Variants in RNF180 observed in about 807,000 individuals in gnomAD.
RNF180 encodes the protein ring finger protein 180.
A neutral mutation model predicts 59.2 loss-of-function variants in RNF180; 38 were observed. The ratio of observed to expected loss-of-function variants is 0.64; its 90% CI spans 0.50 to 0.84. The LOEUF (loss-of-function observed/expected upper bound fraction) is 0.84. RNF180 is among the 40% of genes least tolerant of loss of function. The pLI is 0.00. For synonymous variants in RNF180, 262 were observed against 240.3 expected, an observed-to-expected ratio of 1.09 and a Z score of -0.84; for missense variants, 705 against 700.9, an observed-to-expected ratio of 1.01 and a Z score of -0.07.
intron 5 of RNF180, among the ~76,000 whole-genome samples, chr5:64,253,593 T>A (rs141545212): frequency 6.6e-6 from 1 of 152,268 alleles, no homozygotes; most frequent in East Asian, 1.9e-4. Context: ...TGGTTCCTCG[T>A]TTTTTGTGCT....
At chr5:64,239,897 T>C (rs912213961) in intron 5 of RNF180, among the ~76,000 whole-genome samples, 7 of 152,178 alleles carry the variant, frequency 4.6e-5, no homozygotes, top group African/African-American at 1.7e-4. Context: ...TATAACAAAA[T>C]GTATTTTTAT....
At chr5:64,343,000 T>C (rs991352534) in intron 7 of RNF180, among the ~76,000 whole-genome samples, 23 of 152,140 alleles carry the variant, frequency 1.5e-4, no homozygotes, top group African/African-American at 5.1e-4. Context: ...GATGAGTCTC[T>C]CACTCTGTCT....
At position 64,228,545 on chromosome 5, in the gene RNF180, G is replaced by A. The variant is rs368295721; in HGVS notation, c.1227+11149G>A. ...AAAATAAAATGCCAAATTTGAGAGC[G>A]TTGTTATCTATGAAGGGGAAGGAGA... On this transcript the variant is annotated intron_variant, in intron 5 of 7. Transcript: ENST00000389100. Among the ~76,000 whole-genome samples, 31 of 152,208 alleles carry A rather than the reference G, an allele frequency of 2.0e-4. 1 individual carries two copies. Among genetic ancestry groups the A allele is most frequent in the Admixed American group, 9.2e-4 (14 of 15,290 alleles).
At chr5:64,353,314 A>C (rs1745889696) in intron 7 of RNF180, among the ~76,000 whole-genome samples, 1 of 151,816 alleles carries the variant, frequency 6.6e-6, no homozygotes. Flanking sequence ...TAGAAAATGT[A>C]ATAGAACATA....
chr5:64,299,345 C>A (rs926624498), intron 5 of RNF180, among the ~76,000 whole-genome samples: 4 of 151,806 alleles, frequency 2.6e-5, no homozygotes, highest in African/African-American at 9.7e-5. Flanking sequence ...AGTCATTATC[C>A]TATGCCTGTA....
intron 5 of RNF180, among the ~76,000 whole-genome samples, chr5:64,311,669 C>T (rs1452066704): frequency 1.3e-5 from 2 of 151,974 alleles, no homozygotes; most frequent in African/African-American, 4.8e-5. Context: ...TTAATTTGTA[C>T]ATACCATTCA....
intron 1 of RNF180, among the ~76,000 whole-genome samples, chr5:64,174,069 G>T (rs1313241182): frequency 6.6e-6 from 1 of 152,142 alleles, no homozygotes; most frequent in Non-Finnish European, 1.5e-5. Context: ...TTGTCTTTCT[G>T]TGCTTGGTTT....
At chr5:64,253,390 A>G (rs1743708787) in intron 5 of RNF180, among the ~76,000 whole-genome samples, 1 of 152,118 alleles carries the variant, frequency 6.6e-6, no homozygotes, top group Admixed American at 6.6e-5. Flanking sequence ...CATCACAACT[A>G]GTGTTCTCTG....
intron 7 of RNF180, among the ~76,000 whole-genome samples, chr5:64,334,059 G>A (rs1044816562): frequency 4.6e-5 from 7 of 152,188 alleles, no homozygotes; most frequent in African/African-American, 1.7e-4. Context: ...GGGCCACATA[G>A]AGCAGGGCAG....
chr5:64,264,111 G>A (rs1233993132), intron 5 of RNF180, among the ~76,000 whole-genome samples: 2 of 152,010 alleles, frequency 1.3e-5, no homozygotes, highest in Non-Finnish European at 2.9e-5. Flanking sequence ...TTCACAATTT[G>A]ATGGATTATG....
rs1742061790 is a variant in RNF180 at position 64,230,887 on chromosome 5, A to C, written c.1227+13491A>C. ...AGTTTTTCTTGGGGTTCTGAAAGTGAGTATGGGTTCTAGGAGGTATAATTC... is the reference window on the plus strand; with the variant it reads ...AGTTTTTCTTGGGGTTCTGAAAGTGCGTATGGGTTCTAGGAGGTATAATTC... On this transcript the variant is annotated intron_variant, in intron 5 of 7. Transcript: ENST00000389100. Among the ~76,000 whole-genome samples the C allele has an allele frequency of 2.0e-5, 3 of 152,218 alleles. No homozygotes were observed. The South Asian group carries it at 6.2e-4, about 31-fold the overall frequency.
chr5:64,278,215 C>T (rs1478882658), intron 5 of RNF180, among the ~76,000 whole-genome samples: 1 of 152,124 alleles, frequency 6.6e-6, no homozygotes. Flanking sequence ...GCAGGGCCTG[C>T]ACTTTTAACG....
At chr5:64,308,607 G>A (rs756375574) in intron 5 of RNF180, among the ~76,000 whole-genome samples, 1 of 151,700 alleles carries the variant, frequency 6.6e-6, no homozygotes, top group Non-Finnish European at 1.5e-5. Flanking sequence ...GGAGTTGGTA[G>A]TGTTTCCTGT....
chr5:64,368,429 G>A lies in RNF180; in HGVS notation c.1580-1186G>A, dbSNP rs147511075. Among the ~76,000 whole-genome samples the A allele has an allele frequency of 3.4e-3, 515 of 151,816 alleles. 2 individuals are homozygous for A. The highest frequency in any genetic ancestry group is 0.011 in the African/African-American group (467 of 41,504). Reference sequence around the variant, plus strand: ...TTTGAAGAAATCAGATAGTATAGATGAGAAATTCATGACCAAAAGAGTTAA... The same window carrying A: ...TTTGAAGAAATCAGATAGTATAGATAAGAAATTCATGACCAAAAGAGTTAA... On this transcript the variant is annotated intron_variant, in intron 7 of 7. Coordinates refer to ENST00000389100, the MANE Select transcript of RNF180 (RefSeq NM_001113561.2).
At chr5:64,285,489 G>GT (rs1009608972) in intron 5 of RNF180, among the ~76,000 whole-genome samples, 11 of 150,712 alleles carry the variant, frequency 7.3e-5, no homozygotes, top group African/African-American at 2.7e-4. Flanking sequence ...CAGCAAAGTG[G>GT]TGGGAGTAGG....
At chr5:64,239,476 C>CT (rs2112230697) in intron 5 of RNF180, among the ~76,000 whole-genome samples, 1 of 152,134 alleles carries the variant, frequency 6.6e-6, no homozygotes, top group East Asian at 1.9e-4. Flanking sequence ...GAAGAGCTTG[C>CT]TTTTTAAAAT....
At chr5:64,338,209 T>G (rs1745211881) in intron 7 of RNF180, among the ~76,000 whole-genome samples, 1 of 152,250 alleles carries the variant, frequency 6.6e-6, no homozygotes, top group Non-Finnish European at 1.5e-5. Context: ...AAGACAATAT[T>G]AAATAAGGAC....
chr5:64,299,005 G>A, intron 5 of RNF180, among the ~76,000 whole-genome samples: 1 of 151,982 alleles, frequency 6.6e-6, no homozygotes, highest in Non-Finnish European at 1.5e-5. Context: ...GGTGTTGTTA[G>A]TATGGCCTTT....
At chr5:64,277,653 G>C (rs1370228517) in intron 5 of RNF180, among the ~76,000 whole-genome samples, 1 of 152,080 alleles carries the variant, frequency 6.6e-6, no homozygotes, top group Non-Finnish European at 1.5e-5. Flanking sequence ...CTGCAGTCAG[G>C]GATACAGACT....
Sources: allele counts gnomAD v4.1 joint callset (sites outside exome capture counted in the v4.1 genomes callset), GRCh38; gene constraint gnomAD v4.1.1; transcripts MANE v1.5; gene names NCBI Gene and HGNC (gene_info 2026-07-23, HGNC 2026-07-21).